The following GM2A variants were observed in gnomAD, a reference collection of about 807,000 sequenced individuals.
The protein encoded by GM2A is GM2 ganglioside activator.
A neutral mutation model predicts 12.9 loss-of-function variants in GM2A; 7 were observed. The observed-to-expected ratio is 0.54, with a 90% CI of 0.31 to 1.02. The LOEUF (loss-of-function observed/expected upper bound fraction) is 1.02, where lower values mean the gene tolerates loss of function less well. Ranked by LOEUF, GM2A falls within the 50% of genes least tolerant of loss-of-function variation. The pLI, the probability that GM2A is intolerant of heterozygous loss-of-function variation, is 0.05. For synonymous variants in GM2A, 101 were observed against 96.0 expected, an observed-to-expected ratio of 1.05 and a Z score of -0.30; for missense variants, 246 against 241.0, an observed-to-expected ratio of 1.02 and a Z score of -0.14.
In GM2A at chr5:151,259,947, G is replaced by T. The variant is rs756473323; in HGVS notation, c.243+31G>T. On this transcript the variant is annotated intron_variant, in intron 2 of 3. Coordinates refer to ENST00000357164, the MANE Select transcript of GM2A (RefSeq NM_000405.5). ...CCTGGGGGTGGGTGGAGAAGGGGAG[G>T]TGCGAGGGTCTGGCCAGCAGGGGTA... is the stretch of plus-strand genomic sequence containing the variant. 2.5e-6 allele frequency: 4 copies of T among 1,596,744 alleles called. No homozygotes were observed. The African/African-American group carries it at 4.0e-5, about 16-fold the overall frequency.
chr5:151,262,894 C>T (rs904952215), intron 2 of GM2A, among the ~76,000 whole-genome samples: 7 of 152,182 alleles, frequency 4.6e-5, no homozygotes, highest in Non-Finnish European at 7.3e-5. Context: ...GGCAAACCCG[C>T]TCTTCTGCCC....
At chr5:151,264,646 C>G (rs1055929160) in intron 2 of GM2A, among the ~76,000 whole-genome samples, 1 of 152,176 alleles carries the variant, frequency 6.6e-6, no homozygotes, top group Non-Finnish European at 1.5e-5. Flanking sequence ...CTCAATGGGA[C>G]CTGTGAGAGA....
chr5:151,269,910 A>G lies in GM2A; in HGVS notation c.*2459A>G. 9.4e-7 allele frequency: 1 copy of G among 1,059,178 alleles called. No individual in the cohort carries two copies. Among genetic ancestry groups the G allele is most frequent in the Non-Finnish European group, 1.2e-6 (1 of 847,298 alleles). The allele number at this position is 1,059,178 out of a possible 1,614,324, so 65.6% of individuals were successfully genotyped here. A position where few individuals can be genotyped will look rare whatever the true frequency, so the allele number is the denominator to read the frequency against. On this transcript the variant is annotated 3_prime_UTR_variant, in exon 4 of 4. Transcript: ENST00000357164. ...GGTGAATTCTTTTTACCAACCCACG[A>G]GTTGACCACTTCCCAATGCCGGGGA... is the stretch of plus-strand genomic sequence containing the variant.
chr5:151,255,538 T>C (rs1753669285), intron 1 of GM2A, among the ~76,000 whole-genome samples: 2 of 152,122 alleles, frequency 1.3e-5, no homozygotes, highest in African/African-American at 4.8e-5. Context: ...ATGGATTTCC[T>C]GAGTCTTGTT....
Position 151,268,073 on chromosome 5 carries a change from A to C in GM2A, c.*622A>C, listed in dbSNP as rs1753930133. On this transcript the variant is annotated 3_prime_UTR_variant, in exon 4 of 4. Coordinates refer to ENST00000357164, the MANE Select transcript of GM2A (RefSeq NM_000405.5). ...GGAGTGCTCTGTTGTTTACAAACTC[A>C]GGTACCCGCAGGGCCTAGCAAGAGA... is the stretch of plus-strand genomic sequence containing the variant. 1.0e-6 allele frequency: 1 copy of C among 997,100 alleles called. No individual in the cohort carries two copies. The highest frequency in any genetic ancestry group is 5.4e-5 in the Admixed American group (1 of 18,556). 61.8% of individuals were successfully genotyped at this position (997,100 alleles called of 1,614,324 possible).
chr5:151,268,722 A>G lies in GM2A; in HGVS notation c.*1271A>G, dbSNP rs200856540. The G allele has an allele frequency of 5.8e-5, 34 of 588,130 alleles. No homozygotes were observed. In the South Asian group the frequency reaches 2.3e-3, roughly 39 times the overall value. The allele number at this position is 588,130 out of a possible 1,614,324, so 36.4% of individuals were successfully genotyped here. On this transcript the variant is annotated 3_prime_UTR_variant, in exon 4 of 4. Coordinates refer to ENST00000357164, the MANE Select transcript of GM2A (RefSeq NM_000405.5). ...ATGTTTACTCCTAGAGAAGCCAAAA[A>G]TCCAGATTTGTATATGAAATCTTAC...
Position 151,267,419 on chromosome 5 carries a change from A to G in GM2A, c.550A>G (p.Ile184Val). 1.2e-6 allele frequency: 2 copies of G among 1,614,188 alleles called. No homozygotes were observed. Among genetic ancestry groups the G allele is most frequent in the African/African-American group, 1.3e-5 (1 of 75,040 alleles). Residue 184 changes from isoleucine to valine, a missense_variant, in exon 4 of 4, where the codon ATC becomes GTC. Coordinates refer to ENST00000357164, the MANE Select transcript of GM2A (RefSeq NM_000405.5). ...LSSSGKRLGC[I>V]KIAASLKGI is the part of the protein sequence containing the mutation. The stretch of plus-strand genomic sequence containing the variant: ...CAGCAGTGGGAAGCGTCTGGGCTGC[A>G]TCAAGATCGCTGCCTCTCTAAAGGG...
Position 151,263,493 on chromosome 5 carries a change from G to A in GM2A, c.244-3238G>A, listed in dbSNP as rs189398691. On this transcript the variant is annotated intron_variant, in intron 2 of 3. Transcript: ENST00000357164. Reference sequence around the variant, plus strand: ...TGACCACTTGCTAGGGAGAAGAGCCGATGAGGGACAAAGGGTCTCAGGAAA... The same window carrying A: ...TGACCACTTGCTAGGGAGAAGAGCCAATGAGGGACAAAGGGTCTCAGGAAA... Among the ~76,000 whole-genome samples the A allele has an allele frequency of 2.1e-3, 313 of 152,278 alleles. 1 individual carries two copies. The highest frequency in any genetic ancestry group is 3.3e-3 in the Non-Finnish European group (223 of 68,032).
chr5:151,262,037 C>A (rs748832269), intron 2 of GM2A, among the ~76,000 whole-genome samples: 1 of 152,196 alleles, frequency 6.6e-6, no homozygotes, highest in Non-Finnish European at 1.5e-5. Context: ...TTTGAATAAA[C>A]CTGCATCATT....
Position 151,270,429 on chromosome 5 carries a change from A to G in GM2A, c.*2978A>G, listed in dbSNP as rs1753986624. 5.0e-6 allele frequency: 2 copies of G among 398,308 alleles called. No individual in the cohort carries two copies. Among genetic ancestry groups the G allele is most frequent in the Non-Finnish European group, 8.8e-6 (2 of 226,036 alleles). 24.7% of individuals were successfully genotyped at this position (398,308 alleles called of 1,614,324 possible). ...TGGGAGAAAAATTTATCCAGCCTAT[A>G]TAATAGACAAACAGTTAGTGTTCTT... On this transcript the variant is annotated 3_prime_UTR_variant, in exon 4 of 4. Transcript: ENST00000357164.
chr5:151,259,984 A>G, intron 2 of GM2A, 68 bp downstream of exon 2: 1 of 1,194,130 alleles, frequency 8.4e-7, no homozygotes, highest in Non-Finnish European at 1.2e-6. Flanking sequence ...TGGGGCATGT[A>G]TGCTTGGGGA....
chr5:151,260,816 C>T (rs1488496523), intron 2 of GM2A, among the ~76,000 whole-genome samples: 4 of 152,050 alleles, frequency 2.6e-5, no homozygotes, highest in African/African-American at 9.7e-5. Context: ...AATCTAAATC[C>T]TAGAGATAGT....
chr5:151,254,960 CATTGCAGTGTACCCCATAAATGTAT>C (rs1753656678), intron 1 of GM2A, among the ~76,000 whole-genome samples: 1 of 152,182 alleles, frequency 6.6e-6, no homozygotes, highest in Non-Finnish European at 1.5e-5. Context: ...ATACATTTCA[CATTGCAGTGTACCCCATAAATGTAT>C]ACAACTATGG....
At position 151,270,164 on chromosome 5, in the gene GM2A, TAATA is replaced by T. The variant is rs35384604; in HGVS notation, c.*2717_*2720del. ...TTCAATCGCAGGTCAAAGCAGACTT[TAATA>T]AATGGTGCTGAGCCAACTGGAAAGC... On this transcript the variant is annotated 3_prime_UTR_variant, in exon 4 of 4. Coordinates refer to ENST00000357164, the MANE Select transcript of GM2A (RefSeq NM_000405.5). 0.15 allele frequency: 179,492 copies of T among 1,186,288 alleles called. 16,347 individuals are homozygous for T. The highest frequency in any genetic ancestry group is 0.49 in the East Asian group (15,395 of 31,464). 73.5% of individuals were successfully genotyped at this position (1,186,288 alleles called of 1,614,324 possible). A position where few individuals can be genotyped will look rare whatever the true frequency, so the allele number is the denominator to read the frequency against.
intron 3 of GM2A, 37 bp from the exon 4 acceptor site, chr5:151,267,259 G>T: frequency 6.2e-7 from 1 of 1,613,886 alleles, no homozygotes; most frequent in Non-Finnish European, 8.5e-7. Flanking sequence ...CCATCAGTAG[G>T]CTCCCACTGA....
chr5:151,268,445 C>T lies in GM2A; in HGVS notation c.*994C>T, dbSNP rs1753940234. 1.0e-6 allele frequency: 1 copy of T among 984,824 alleles called. No homozygotes were observed. Among genetic ancestry groups the T allele is most frequent in the Non-Finnish European group, 1.2e-6 (1 of 829,386 alleles). 61.0% of individuals were successfully genotyped at this position (984,824 alleles called of 1,614,324 possible). On this transcript the variant is annotated 3_prime_UTR_variant, in exon 4 of 4. Transcript: ENST00000357164. ...TGGATTACAGGCATGAGCCACTACACCCAGCCGATTTTTCCTTTTTGATTA... is the reference window on the plus strand; with the variant it reads ...TGGATTACAGGCATGAGCCACTACATCCAGCCGATTTTTCCTTTTTGATTA...
intron 2 of GM2A, among the ~76,000 whole-genome samples, chr5:151,261,605 A>ATT (rs1753800472): frequency 1.4e-5 from 2 of 147,940 alleles, no homozygotes; most frequent in South Asian, 4.3e-4. Context: ...CGCCCCACTA[A>ATT]TTTTTGTATT....
At position 151,255,015 on chromosome 5, in the gene GM2A, C is replaced by A. The variant is rs376104022; in HGVS notation, c.81+1718C>A. 3.5e-4 allele frequency among the ~76,000 whole-genome samples: 54 copies of A among 152,202 alleles called. No homozygotes were observed. The East Asian group carries it at 8.3e-3, about 23-fold the overall frequency. On this transcript the variant is annotated intron_variant, in intron 1 of 3. Transcript: ENST00000357164. ...CTATGGTTTGTCAATTTAAAAAAAA[C>A]CCAAGACCAGGTGCGGTGGTGCACA...
At chr5:151,266,030 G>A (rs530218643) in intron 2 of GM2A, among the ~76,000 whole-genome samples, 1 of 152,332 alleles carries the variant, frequency 6.6e-6, no homozygotes, top group Non-Finnish European at 1.5e-5. Context: ...GTAACTACCT[G>A]AAGTCCTATG....
Sources: gnomAD v4.1 joint callset for allele counts (sites outside exome capture counted in the v4.1 genomes callset) on GRCh38, gnomAD v4.1.1 for gene constraint, MANE v1.5 for transcripts, NCBI Gene and HGNC (gene_info 2026-07-23, HGNC 2026-07-21) for gene names.